PARN: variants seen among roughly 807,000 people sequenced by gnomAD.
The protein encoded by PARN is poly(A)-specific ribonuclease PARN.
A neutral mutation model predicts 102.8 loss-of-function variants in PARN; 71 were observed. The ratio of observed to expected loss-of-function variants is 0.69; its 90% CI spans 0.57 to 0.84. The LOEUF (loss-of-function observed/expected upper bound fraction) is 0.84. Ranked by LOEUF, PARN falls within the 40% of genes least tolerant of loss-of-function variation. The pLI is 0.00. For missense variants in PARN, 782 were observed against 760.9 expected, an observed-to-expected ratio of 1.03 and a Z score of -0.33; for synonymous variants, 261 against 252.9, an observed-to-expected ratio of 1.03 and a Z score of -0.30.
chr16:14,553,461 G>C (rs537098689), intron 20 of PARN, among the ~76,000 whole-genome samples: 15 of 152,224 alleles, frequency 9.9e-5, no homozygotes, highest in Non-Finnish European at 2.1e-4. Flanking sequence ...TGGACATTTA[G>C]GTTTTGTGGC....
intron 21 of PARN, among the ~76,000 whole-genome samples, chr16:14,512,194 C>T (rs1157141710): frequency 1.3e-5 from 2 of 152,150 alleles, no homozygotes; most frequent in Non-Finnish European, 2.9e-5. Context: ...CATGACTGTG[C>T]TAAGTGTTGT....
chr16:14,554,586 G>A (rs540685811), intron 19 of PARN, among the ~76,000 whole-genome samples: 2 of 151,712 alleles, frequency 1.3e-5, no homozygotes, highest in African/African-American at 2.4e-5. Context: ...GCATGCCACC[G>A]TGCCTGGCTA....
intron 21 of PARN, among the ~76,000 whole-genome samples, chr16:14,550,968 C>CT (rs1161502367): frequency 2.0e-5 from 3 of 150,436 alleles, no homozygotes; most frequent in African/African-American, 4.9e-5. Context: ...GAATCCCCTC[C>CT]TTTTTTTTTC....
intron 22 of PARN, among the ~76,000 whole-genome samples, chr16:14,471,392 T>C (rs928111790): frequency 6.6e-6 from 1 of 152,192 alleles, no homozygotes; most frequent in African/African-American, 2.4e-5. Context: ...TAATTCTCTA[T>C]TTACATTTTT....
chr16:14,489,335 C>T (rs1416692079), intron 21 of PARN, among the ~76,000 whole-genome samples: 4 of 150,902 alleles, frequency 2.7e-5, no homozygotes, highest in South Asian at 2.1e-4. Context: ...ATCCCAGCTA[C>T]TCGGGAGGCT....
At chr16:14,540,289 T>C (rs1488628917) in intron 21 of PARN, among the ~76,000 whole-genome samples, 4 of 152,186 alleles carry the variant, frequency 2.6e-5, no homozygotes, top group Admixed American at 2.0e-4. Flanking sequence ...AGTTTAAGAT[T>C]AGGAAAATTA....
intron 10 of PARN, among the ~76,000 whole-genome samples, chr16:14,606,030 G>A (rs16963810): frequency 0.044 from 6,685 of 152,160 alleles, 159 homozygotes; most frequent in African/African-American, 0.054. Context: ...AAGAAAATTA[G>A]GCTTAAAGAG....
At chr16:14,507,422 C>T (rs567833960) in intron 21 of PARN, among the ~76,000 whole-genome samples, 2 of 152,016 alleles carry the variant, frequency 1.3e-5, no homozygotes, top group African/African-American at 4.8e-5. Context: ...GAAGGCCAGG[C>T]GTGGTGGCTC....
At chr16:14,439,923 G>C (rs1263724687) in intron 23 of PARN, among the ~76,000 whole-genome samples, 1 of 152,178 alleles carries the variant, frequency 6.6e-6, no homozygotes, top group East Asian at 1.9e-4. Context: ...GCTGAGGCAG[G>C]AGAATAGCCT....
intron 18 of PARN, chr16:14,578,394 T>A (rs12447905): frequency 7.0e-6 from 1 of 143,226 alleles, no homozygotes; most frequent in Non-Finnish European, 1.5e-5. Context: ...GTGACTAACG[T>A]CTGTAACTCC....
At chr16:14,581,920 A>T (rs1342350732) in intron 17 of PARN, among the ~76,000 whole-genome samples, 2 of 152,284 alleles carry the variant, frequency 1.3e-5, no homozygotes, top group Admixed American at 6.5e-5. Flanking sequence ...AAGAGGCGGC[A>T]CAGCTTCTGC....
intron 5 of PARN, among the ~76,000 whole-genome samples, chr16:14,625,531 C>CT (rs1439463391): frequency 1.3e-5 from 2 of 152,126 alleles, no homozygotes; most frequent in Non-Finnish European, 2.9e-5. Context: ...TATAAATACT[C>CT]TTTAAGTATC....
Position 14,582,301 on chromosome 16 carries a change from A to G in PARN, c.1082-10T>C. 1 of 1,588,370 alleles carries G rather than the reference A, an allele frequency of 6.3e-7. No individual in the cohort carries two copies. The highest frequency in any genetic ancestry group is 8.6e-7 in the Non-Finnish European group (1 of 1,156,556). On this transcript the variant is annotated splice_polypyrimidine_tract_variant and intron_variant, in intron 16 of 23. Transcript: ENST00000437198. The stretch of plus-strand genomic sequence containing the variant: ...AAACCTTCGGCACTTTCTAAGAAAA[A>G]AAAGGAAAAAGTTTTCCTCAAAACA...
chr16:14,436,446 A>G lies in PARN; in HGVS notation c.*271T>C. 3 of 510,506 alleles carry G rather than the reference A, an allele frequency of 5.9e-6. No homozygotes were observed. The highest frequency in any genetic ancestry group is 1.0e-5 in the Non-Finnish European group (3 of 287,292). 31.6% of individuals were successfully genotyped at this position (510,506 alleles called of 1,614,324 possible). On this transcript the variant is annotated 3_prime_UTR_variant, in exon 24 of 24. Coordinates refer to ENST00000437198, the MANE Select transcript of PARN (RefSeq NM_002582.4). ...GTCATGACAGGAAAGGCCTCACAAG[A>G]GCAACACGGAATTCACTGGTTAAGC...
chr16:14,539,303 CT>C (rs1966750462), intron 21 of PARN, among the ~76,000 whole-genome samples: 1 of 152,196 alleles, frequency 6.6e-6, no homozygotes, highest in Non-Finnish European at 1.5e-5. Context: ...AAGTGCTCCC[CT>C]TCTCCTGGCT....
intron 21 of PARN, among the ~76,000 whole-genome samples, chr16:14,525,908 T>C (rs1965972620): frequency 6.6e-6 from 1 of 152,016 alleles, no homozygotes; most frequent in South Asian, 2.1e-4. Flanking sequence ...AACCTCCACC[T>C]CCCGGGTTCA....
At chr16:14,553,256 T>TAAAAAAAA (rs58411352) in intron 20 of PARN, among the ~76,000 whole-genome samples, 19 of 117,290 alleles carry the variant, frequency 1.6e-4, no homozygotes, top group Admixed American at 4.4e-4. Flanking sequence ...TATTTCTATT[T>TAAAAAAAA]AAAAAAAAAA....
At chr16:14,485,656 CT>C (rs559156481) in intron 21 of PARN, among the ~76,000 whole-genome samples, 1,934 of 144,228 alleles carry the variant, frequency 0.013, 27 homozygotes, top group African/African-American at 0.037. Flanking sequence ...TATTTCAATT[CT>C]TTTTTTTTTT....
At chr16:14,521,727 G>A (rs570407281) in intron 21 of PARN, among the ~76,000 whole-genome samples, 1 of 151,654 alleles carries the variant, frequency 6.6e-6, no homozygotes, top group East Asian at 1.9e-4. Context: ...GCTTGAACCC[G>A]AGAAGTGGTG....
Sources: allele counts gnomAD v4.1 joint callset (sites outside exome capture counted in the v4.1 genomes callset), GRCh38; gene constraint gnomAD v4.1.1; transcripts MANE v1.5; gene names NCBI Gene and HGNC (gene_info 2026-07-23, HGNC 2026-07-21).